The following PCDHAC2 variants were observed in gnomAD, a reference collection of about 807,000 sequenced individuals.
The protein encoded by PCDHAC2 is protocadherin alpha subfamily C, 2.
A neutral mutation model predicts 63.3 loss-of-function variants in PCDHAC2; 24 were observed. The ratio of observed to expected loss-of-function variants is 0.38; its 90% CI spans 0.27 to 0.53. The LOEUF is 0.53. Among genes scored for constraint, PCDHAC2 ranks in the 20% least tolerant of loss-of-function variants. PCDHAC2 has a pLI of 0.81. For missense variants in PCDHAC2, 1,181 were observed against 1,275.2 expected (o/e 0.93, Z 1.12); for synonymous variants, 569 against 529.4 (o/e 1.07, Z -1.03).
At chr5:140,993,460 T>TCCCACACA (rs1554253699) in intron 3 of PCDHAC2, among the ~76,000 whole-genome samples, 2 of 104,506 alleles carry the variant, frequency 1.9e-5, no homozygotes, top group African/African-American at 7.8e-5. Flanking sequence ...CTTCTTTCTT[T>TCCCACACA]CTCACACACA....
Position 140,967,117 on chromosome 5 carries a change from C to T in PCDHAC2, c.351C>T (p.Cys117=), listed in dbSNP as rs370329233. 7.4e-6 allele frequency: 12 copies of T among 1,612,904 alleles called. No individual in the cohort carries two copies. The East Asian group carries it at 1.6e-4, about 21-fold the overall frequency. The change falls in exon 1 of 4, where the codon TGC becomes TGT. Residue 117 remains cysteine (C), a synonymous_variant. Coordinates refer to ENST00000289269, the MANE Select transcript of PCDHAC2 (RefSeq NM_018899.6). ...REALCEQRPR[C]LLSLEVLAHN... ...CGCTGTGTGAGCAGCGGCCTCGCTG[C>T]CTGCTCAGCTTGGAAGTGCTGGCGC...
At chr5:141,000,095 T>G (rs1299354306) in intron 3 of PCDHAC2, among the ~76,000 whole-genome samples, 1 of 152,044 alleles carries the variant, frequency 6.6e-6, no homozygotes, top group Non-Finnish European at 1.5e-5. Flanking sequence ...TGAATGGAGC[T>G]CAACTCCGTC....
rs1486746921 is a variant in PCDHAC2 at position 141,009,728 on chromosome 5, G to A, written c.2815G>A (p.Gly939Ser). Residue 939 changes from glycine (G) to serine (S), a missense_variant, in exon 4 of 4, where the codon GGT becomes AGT. Gly to Ser is a moderately conservative substitution (Grantham distance 56). Around this residue, in one of 3 missense-constraint regions of PCDHAC2, gnomAD observed 968 missense variants for 1,073.5 expected, o/e 0.90. Coordinates refer to ENST00000289269, the MANE Select transcript of PCDHAC2 (RefSeq NM_018899.6). The part of the protein sequence containing the change: ...GPGNPKQSGP[G>S]ELPDKFIIPG... ...AGGCAACCCCAAACAATCCGGTCCC[G>A]GTGAGTTGCCCGACAAATTCATTAT... The A allele has an allele frequency of 3.1e-6, 5 of 1,613,998 alleles. No homozygotes were observed. The highest frequency in any genetic ancestry group is 2.2e-5 in the East Asian group (1 of 44,874).
At chr5:140,970,802 AC>A (rs1407360459) in intron 1 of PCDHAC2, among the ~76,000 whole-genome samples, 1 of 152,216 alleles carries the variant, frequency 6.6e-6, no homozygotes, top group Non-Finnish European at 1.5e-5. Flanking sequence ...CCATATTGTT[AC>A]ATTTCAAGTT....
chr5:140,993,363 C>T (rs925225156), intron 3 of PCDHAC2, among the ~76,000 whole-genome samples: 1 of 151,918 alleles, frequency 6.6e-6, no homozygotes, highest in Non-Finnish European at 1.5e-5. Context: ...CTCACAAAAA[C>T]TACCTCCCAG....
At position 140,978,930 on chromosome 5, in the gene PCDHAC2, T is replaced by C; in HGVS notation, c.2566-19T>C. On this transcript the variant is annotated intron_variant, in intron 1 of 3. Transcript: ENST00000289269. ...TTGTCTTGTCATTTTAACAGAAAAC[T>C]CTCTTTGTGATTTTGCAGCCACGAC... 2 of 1,614,088 alleles carry C rather than the reference T, an allele frequency of 1.2e-6. No individual in the cohort carries two copies. Among genetic ancestry groups the C allele is most frequent in the South Asian group, 1.1e-5 (1 of 91,072 alleles).
intron 1 of PCDHAC2, 178 bp downstream of exon 1, chr5:140,969,509 C>A: frequency 7.1e-7 from 1 of 1,416,136 alleles, no homozygotes; most frequent in Non-Finnish European, 9.4e-7. Context: ...AAAAATAGCA[C>A]TAAAGAATTG....
At chr5:141,007,000 G>A (rs2098298646) in intron 3 of PCDHAC2, among the ~76,000 whole-genome samples, 1 of 152,128 alleles carries the variant, frequency 6.6e-6, no homozygotes, top group South Asian at 2.1e-4. Flanking sequence ...ATATAAGTCT[G>A]CATCTCATCA....
chr5:140,993,519 GAGAC>G (rs1554253814), intron 3 of PCDHAC2, among the ~76,000 whole-genome samples: 1 of 151,288 alleles, frequency 6.6e-6, no homozygotes, highest in Non-Finnish European at 1.5e-5. Context: ...CGGGGAGAGA[GAGAC>G]AGAGAGAGAG....
In PCDHAC2 at chr5:141,010,204, C is replaced by G. The variant is rs1238256859; in HGVS notation, c.*267C>G. ...GACCCAAGTTTCCTTTCTCCTCCGC[C>G]GCAAAGGAGAGGCTTCCCAGCCCCG... On this transcript the variant is annotated 3_prime_UTR_variant, in exon 4 of 4. Transcript: ENST00000289269. 1.3e-5 allele frequency: 20 copies of G among 1,551,852 alleles called. No homozygotes were observed. Among genetic ancestry groups the G allele is most frequent in the Non-Finnish European group, 1.7e-5 (20 of 1,147,056 alleles).
At chr5:140,996,389 A>G (rs543903221) in intron 3 of PCDHAC2, among the ~76,000 whole-genome samples, 3 of 152,328 alleles carry the variant, frequency 2.0e-5, no homozygotes, top group Admixed American at 1.3e-4. Context: ...ATAATGCCTC[A>G]TAGAGTTTCA....
At chr5:140,998,585 A>C (rs1227951754) in intron 3 of PCDHAC2, among the ~76,000 whole-genome samples, 1 of 148,644 alleles carries the variant, frequency 6.7e-6, no homozygotes, top group Non-Finnish European at 1.5e-5. Context: ...TTTTTTTGAG[A>C]CAGAGTTTTG....
chr5:141,009,003 A>G (rs782499793), intron 3 of PCDHAC2, among the ~76,000 whole-genome samples: 16 of 152,220 alleles, frequency 1.1e-4, no homozygotes, highest in Non-Finnish European at 1.5e-4. Flanking sequence ...AAAGGAGCAT[A>G]TTTTGCCTTT....
intron 1 of PCDHAC2, among the ~76,000 whole-genome samples, chr5:140,977,549 A>G (rs2096765562): frequency 6.6e-6 from 1 of 152,210 alleles, no homozygotes; most frequent in African/African-American, 2.4e-5. Flanking sequence ...TTGCATATGC[A>G]TATCTTGCTA....
intron 1 of PCDHAC2, among the ~76,000 whole-genome samples, chr5:140,974,729 G>C (rs1007565470): frequency 2.6e-5 from 4 of 152,032 alleles, no homozygotes; most frequent in African/African-American, 9.7e-5. Flanking sequence ...TCGAACTCCT[G>C]TCTCCACCTT....
At position 140,968,463 on chromosome 5, in the gene PCDHAC2, A is replaced by G. The variant is rs1012242019; in HGVS notation, c.1697A>G (p.Asn566Ser). Residue 566 changes from asparagine (N) to serine (S), a missense_variant, in exon 1 of 4, where the codon AAC (asparagine) becomes AGC (serine). Physicochemically the swap from Asn to Ser is conservative, Grantham distance 46. Coordinates refer to ENST00000289269, the MANE Select transcript of PCDHAC2 (RefSeq NM_018899.6). ...SPPLSSTVTA[N>S]VYVVDMNDHA... Reference sequence around the variant, plus strand: ...CCACTGAGCAGCACTGTGACTGCCAACGTATATGTGGTGGACATGAATGAC... The same window carrying G: ...CCACTGAGCAGCACTGTGACTGCCAGCGTATATGTGGTGGACATGAATGAC... 6 of 1,613,994 alleles carry G rather than the reference A, an allele frequency of 3.7e-6. No individual in the cohort carries two copies. The highest frequency in any genetic ancestry group is 1.6e-4 in the Middle Eastern group (1 of 6,084).
chr5:140,967,595 G>A lies in PCDHAC2; in HGVS notation c.829G>A (p.Val277Met). ...GGACTCACCCCCAGGCACATTGGTG[G>A]TGAAGCTGAATGCCTCAGACCCGGA... ...REDSPPGTLV[V>M]KLNASDPDEG... Residue 277 changes from valine to methionine, a missense_variant, in exon 1 of 4, where the codon GTG becomes ATG. This residue lies in a region of PCDHAC2 where 968 missense variants were observed against 1,073.5 expected (regional missense o/e 0.90). Coordinates refer to ENST00000289269, the MANE Select transcript of PCDHAC2 (RefSeq NM_018899.6). 6.2e-7 allele frequency: 1 copy of A among 1,614,168 alleles called. No homozygotes were observed. Among genetic ancestry groups the A allele is most frequent in the Non-Finnish European group, 8.5e-7 (1 of 1,180,030 alleles).
chr5:140,978,845 T>C, intron 1 of PCDHAC2, 104 bp from the exon 2 acceptor site: 7 of 1,569,708 alleles, frequency 4.5e-6, no homozygotes, highest in Non-Finnish European at 6.1e-6. Flanking sequence ...AATACTTTTT[T>C]AGATGCCTGG....
At chr5:140,977,732 G>A (rs538865467) in intron 1 of PCDHAC2, among the ~76,000 whole-genome samples, 2 of 152,048 alleles carry the variant, frequency 1.3e-5, no homozygotes, top group African/African-American at 2.4e-5. Flanking sequence ...TTCTCTCCTG[G>A]GTGTTATGAA....
Sources: gnomAD v4.1 joint callset for allele counts (sites outside exome capture counted in the v4.1 genomes callset) on GRCh38, gnomAD v4.1.1 for gene constraint, gnomAD v4.1.1 regional missense constraint, MANE v1.5 for transcripts, NCBI Gene and HGNC (gene_info 2026-07-23, HGNC 2026-07-21) for gene names.